Variants in MAML3 observed in about 807,000 individuals in gnomAD.
MAML3 encodes the protein mastermind like transcriptional coactivator 3.
Under a neutral mutation model 101.9 loss-of-function variants are expected in MAML3, and 27 were observed. That is an observed-to-expected ratio of 0.27 (90% CI 0.20 to 0.37). The LOEUF (loss-of-function observed/expected upper bound fraction) is 0.37, where lower values mean the gene tolerates loss of function less well. Ranked by LOEUF, MAML3 falls within the 10% of genes least tolerant of loss-of-function variation. The pLI is 1.00. For missense variants in MAML3, 1,316 were observed against 1,444.9 expected (o/e 0.91, Z 1.45); for synonymous variants, 501 against 555.9 (o/e 0.90, Z 1.39).
intron 1 of MAML3, among the ~76,000 whole-genome samples, chr4:139,980,511 T>C (rs1188264212): frequency 6.6e-6 from 1 of 152,232 alleles, no homozygotes; most frequent in African/African-American, 2.4e-5. Context: ...AAAAATCTAA[T>C]GCCCTGGGCT....
chr4:140,013,093 C>A (rs1427213206), intron 1 of MAML3, among the ~76,000 whole-genome samples: 1 of 152,194 alleles, frequency 6.6e-6, no homozygotes, highest in African/African-American at 2.4e-5. Context: ...TAACAGACAT[C>A]TTATTTTGAA....
At chr4:140,115,048 A>G (rs1003007383) in intron 1 of MAML3, among the ~76,000 whole-genome samples, 2 of 152,188 alleles carry the variant, frequency 1.3e-5, no homozygotes, top group Non-Finnish European at 2.9e-5. Flanking sequence ...TAGAACCATA[A>G]CATTCCTCAG....
At chr4:139,951,904 C>CTT (rs1733837594) in intron 1 of MAML3, among the ~76,000 whole-genome samples, 1 of 152,082 alleles carries the variant, frequency 6.6e-6, no homozygotes, top group East Asian at 1.9e-4. Context: ...TGGCTCACAC[C>CTT]TGTAATCCTA....
chr4:139,890,355 G>T lies in MAML3; in HGVS notation c.1081C>A (p.Pro361Thr). 1 of 1,603,526 alleles carries T rather than the reference G, an allele frequency of 6.2e-7. No homozygotes were observed. Among genetic ancestry groups the T allele is most frequent in the South Asian group, 1.1e-5 (1 of 89,900 alleles). ...ACATGTGCGAAGGGAGAGTGAGAGGGGTCGCTCTTCACGCTCGCACTCTCC... is the reference window on the plus strand; with the variant it reads ...ACATGTGCGAAGGGAGAGTGAGAGGTGTCGCTCTTCACGCTCGCACTCTCC... ...SQESASVKSD[P>T]SHSPFAHVSM... The change falls in exon 2 of 5, where the codon CCC (proline) becomes ACC (threonine). Residue 361 changes from proline (P) to threonine (T), a missense_variant. Transcript: ENST00000509479. The surrounding 1 kb of genome is among the most constrained non-coding windows in gnomAD (Gnocchi z 4.1).
intron 1 of MAML3, among the ~76,000 whole-genome samples, chr4:140,054,565 A>C (rs545226274): frequency 1.3e-3 from 201 of 152,172 alleles, no homozygotes; most frequent in Non-Finnish European, 2.4e-3. Flanking sequence ...TCCTGTTTTC[A>C]CACGTTTGTT....
intron 1 of MAML3, among the ~76,000 whole-genome samples, chr4:140,092,142 G>C (rs1728071199): frequency 7.3e-6 from 1 of 137,850 alleles, no homozygotes; most frequent in African/African-American, 2.8e-5. Flanking sequence ...AATATCAGAG[G>C]GTTAATGAAC....
chr4:140,137,857 C>T (rs900899653), intron 1 of MAML3, among the ~76,000 whole-genome samples: 3 of 152,198 alleles, frequency 2.0e-5, no homozygotes, highest in Non-Finnish European at 4.4e-5. Flanking sequence ...ACGAACCCTA[C>T]CAAACCAGTA....
At chr4:139,961,057 T>C (rs955795244) in intron 1 of MAML3, among the ~76,000 whole-genome samples, 1 of 152,094 alleles carries the variant, frequency 6.6e-6, no homozygotes, top group Non-Finnish European at 1.5e-5. Context: ...TGGCAAAAGA[T>C]CTGGGTTTGC....
At chr4:140,021,609 A>G (rs1429751897) in intron 1 of MAML3, among the ~76,000 whole-genome samples, 7 of 152,296 alleles carry the variant, frequency 4.6e-5, no homozygotes, top group African/African-American at 1.4e-4. Flanking sequence ...TTTTAAAACA[A>G]TGACCCAAGA....
chr4:140,132,105 G>A (rs947682385), intron 1 of MAML3, among the ~76,000 whole-genome samples: 2 of 152,214 alleles, frequency 1.3e-5, no homozygotes, highest in Admixed American at 6.5e-5. Context: ...CCTCAGGCCC[G>A]GCCCACACTC....
At chr4:139,891,146 T>C (rs1227699965) in intron 1 of MAML3, among the ~76,000 whole-genome samples, 179 bp from the exon 2 acceptor site, 1 of 152,158 alleles carries the variant, frequency 6.6e-6, no homozygotes, top group Non-Finnish European at 1.5e-5. Context: ...GGGAAAAGGT[T>C]TTATCTAAAA....
intron 2 of MAML3, among the ~76,000 whole-genome samples, chr4:139,795,017 A>T (rs1352794840): frequency 2.6e-5 from 4 of 152,194 alleles, no homozygotes; most frequent in Middle Eastern, 3.2e-3. Context: ...TTAGACAGTG[A>T]CTGAGACTGA....
chr4:139,730,075 G>A (rs17286383), intron 3 of MAML3, among the ~76,000 whole-genome samples: 9,004 of 152,204 alleles, frequency 0.059, 372 homozygotes, highest in East Asian at 0.095. Context: ...ACGGCTTATG[G>A]AGCATGTGAG....
intron 1 of MAML3, chr4:140,133,171 A>C: frequency 7.6e-6 from 3 of 392,694 alleles, no homozygotes; most frequent in Non-Finnish European, 1.5e-5. Flanking sequence ...CAACAAAAAG[A>C]AAAAAAAGAG....
chr4:139,810,115 T>G (rs1730770826), intron 2 of MAML3, among the ~76,000 whole-genome samples: 2 of 152,060 alleles, frequency 1.3e-5, no homozygotes, highest in South Asian at 2.1e-4. Context: ...TTTTTTGACT[T>G]GTGATTTCCA....
At chr4:140,003,914 A>G (rs1341532413) in intron 1 of MAML3, among the ~76,000 whole-genome samples, 1 of 152,216 alleles carries the variant, frequency 6.6e-6, no homozygotes, top group Non-Finnish European at 1.5e-5. Flanking sequence ...TGTAAATTAC[A>G]AATGGCTTTA....
At chr4:139,779,949 TA>T (rs1730168585) in intron 2 of MAML3, among the ~76,000 whole-genome samples, 1 of 152,254 alleles carries the variant, frequency 6.6e-6, no homozygotes, top group South Asian at 2.1e-4. Context: ...GCTGCTACTG[TA>T]AGTGCTGTTC....
intron 1 of MAML3, among the ~76,000 whole-genome samples, chr4:139,951,474 G>A (rs1658799899): frequency 6.6e-6 from 1 of 152,230 alleles, no homozygotes; most frequent in Non-Finnish European, 1.5e-5. Context: ...AGGGCAGGGA[G>A]CACAGGCAGC....
chr4:139,742,154 T>C (rs867927127), intron 2 of MAML3, among the ~76,000 whole-genome samples: 7 of 149,476 alleles, frequency 4.7e-5, no homozygotes, highest in Non-Finnish European at 8.9e-5. Context: ...CTTTTCTTTT[T>C]TTTTTTTTTT....
Sources: gnomAD v4.1 joint callset for allele counts (sites outside exome capture counted in the v4.1 genomes callset) on GRCh38, gnomAD v4.1.1 for gene constraint, Gnocchi (gnomAD v3.1) non-coding constraint, MANE v1.5 for transcripts, NCBI Gene and HGNC (gene_info 2026-07-23, HGNC 2026-07-21) for gene names.